Variants in PKHD1 observed in about 807,000 individuals in gnomAD.
PKHD1 encodes PKHD1 ciliary IPT domain containing fibrocystin/polyductin, also known as fibrocystin.
A neutral mutation model predicts 412.0 loss-of-function variants in PKHD1; 291 were observed. That is an observed-to-expected ratio of 0.71 (90% confidence interval 0.64 to 0.78). The LOEUF is 0.78. Ranked by LOEUF, PKHD1 falls within the 30% of genes least tolerant of loss-of-function variation. The probability of loss-of-function intolerance (pLI) is 0.00; values close to 1 mark genes in which losing one functional copy is unlikely to be tolerated. For missense variants in PKHD1, 4,825 were observed against 4,950.7 expected, an observed-to-expected ratio of 0.97 and a Z score of 0.76; for synonymous variants, 1,777 against 1,821.5, an observed-to-expected ratio of 0.98 and a Z score of 0.62.
At chr6:51,942,197 A>G (rs1398932191) in intron 36 of PKHD1, among the ~76,000 whole-genome samples, 3 of 151,268 alleles carry the variant, frequency 2.0e-5, no homozygotes, top group African/African-American at 7.3e-5. Flanking sequence ...GACTGCCCCA[A>G]CCTTAGCTCT....
chr6:52,035,718 C>T lies in PKHD1; in HGVS notation c.3101G>A (p.Gly1034Glu). 6.2e-7 allele frequency: 1 copy of T among 1,613,858 alleles called. No individual in the cohort carries two copies. Among genetic ancestry groups the T allele is most frequent in the Non-Finnish European group, 8.5e-7 (1 of 1,179,846 alleles). Residue 1034 changes from glycine to glutamate, a missense_variant, in exon 28 of 67, where the codon GGG (glycine) becomes GAG (glutamate). Coordinates refer to ENST00000371117, the MANE Select transcript of PKHD1 (RefSeq NM_138694.4). ...AGAGCCTCGGATGGTGGCCCAGAGC[C>T]CTCCTGTAACAAAAACAGCATATTC... ...VEPSRAADIG[G>E]LWATIRGSSL... is the part of the protein sequence containing the mutation.
chr6:52,048,764 T>C, intron 22 of PKHD1, 145 bp from the exon 23 acceptor site: 1 of 803,196 alleles, frequency 1.2e-6, no homozygotes, highest in Non-Finnish European at 2.1e-6. Flanking sequence ...AAGGGAGTTT[T>C]CAGGACCACT....
intron 20 of PKHD1, among the ~76,000 whole-genome samples, 168 bp from the exon 21 acceptor site, chr6:52,053,419 C>T (rs759704466): frequency 6.6e-6 from 1 of 152,230 alleles, no homozygotes; most frequent in Non-Finnish European, 1.5e-5. Context: ...ACAAACATCC[C>T]ACCCAAGATG....
At chr6:51,923,191 T>C (rs535888158) in intron 37 of PKHD1, among the ~76,000 whole-genome samples, 9 of 152,172 alleles carry the variant, frequency 5.9e-5, no homozygotes, top group African/African-American at 1.9e-4. Flanking sequence ...GCTGTGAAAA[T>C]TGGCTATTCA....
At chr6:51,860,383 A>G (rs1163050818) in intron 48 of PKHD1, among the ~76,000 whole-genome samples, 1 of 152,238 alleles carries the variant, frequency 6.6e-6, no homozygotes, top group East Asian at 1.9e-4. Flanking sequence ...CCAAAAGAAC[A>G]TCAAGAGTCC....
At chr6:51,625,593 G>C (rs1345923675) in intron 66 of PKHD1, among the ~76,000 whole-genome samples, 1 of 152,004 alleles carries the variant, frequency 6.6e-6, no homozygotes, top group Non-Finnish European at 1.5e-5. Context: ...CCCTTTCCCT[G>C]TCTCATTCCT....
In PKHD1 at chr6:51,653,907, A is replaced by T. The variant is rs141667505; in HGVS notation, c.11175-4687T>A. On this transcript the variant is annotated intron_variant, in intron 61 of 66. Coordinates refer to ENST00000371117, the MANE Select transcript of PKHD1 (RefSeq NM_138694.4). Reference sequence around the variant, plus strand: ...CTAGCATGAGTATTTTATCTAGGAGAATGAAAACTCTGCATTTTTAAAGAC... The same window carrying T: ...CTAGCATGAGTATTTTATCTAGGAGTATGAAAACTCTGCATTTTTAAAGAC... 3.7e-3 allele frequency among the ~76,000 whole-genome samples: 567 copies of T among 152,286 alleles called. 3 individuals carry two copies. Among genetic ancestry groups the T allele is most frequent in the African/African-American group, 0.013 (548 of 41,572 alleles).
At chr6:51,807,331 G>T (rs1024184091) in intron 52 of PKHD1, among the ~76,000 whole-genome samples, 2 of 150,992 alleles carry the variant, frequency 1.3e-5, no homozygotes, top group Non-Finnish European at 3.0e-5. Flanking sequence ...CCAGATACTT[G>T]GGAGGCTGAG....
intron 36 of PKHD1, among the ~76,000 whole-genome samples, chr6:51,952,296 G>T (rs1790473199): frequency 6.6e-6 from 1 of 152,106 alleles, no homozygotes; most frequent in African/African-American, 2.4e-5. Context: ...GTCACTGTCT[G>T]GACTAATCCA....
intron 60 of PKHD1, among the ~76,000 whole-genome samples, chr6:51,709,336 C>T (rs1780374388): frequency 6.6e-6 from 1 of 152,208 alleles, no homozygotes; most frequent in African/African-American, 2.4e-5. Flanking sequence ...CATGGAAACA[C>T]TTCCAGGGGT....
chr6:51,912,707 T>C lies in PKHD1; in HGVS notation c.6122-131A>G. 13 of 727,340 alleles carry C rather than the reference T, an allele frequency of 1.8e-5. No individual in the cohort carries two copies. The South Asian group carries it at 2.0e-4, about 11-fold the overall frequency. The allele number at this position is 727,340 out of a possible 1,614,324, so 45.1% of individuals were successfully genotyped here. On this transcript the variant is annotated intron_variant, in intron 37 of 66. Coordinates refer to ENST00000371117, the MANE Select transcript of PKHD1 (RefSeq NM_138694.4). ...AAAATAAGACCTGGAAAAGCAAGCT[T>C]CAGGATAGGTAAGCACTAATTTTTT...
Position 51,950,616 on chromosome 6 carries a change from G to A in PKHD1, c.5908+9254C>T, listed in dbSNP as rs925739977. On this transcript the variant is annotated intron_variant, in intron 36 of 66. Coordinates refer to ENST00000371117, the MANE Select transcript of PKHD1 (RefSeq NM_138694.4). ...TGTAGAGCTCCCAAATTTACAGTTTGTATAAGTTACCAGGTGATGCCAGTG... is the reference window on the plus strand; with the variant it reads ...TGTAGAGCTCCCAAATTTACAGTTTATATAAGTTACCAGGTGATGCCAGTG... 4.6e-5 allele frequency among the ~76,000 whole-genome samples: 7 copies of A among 152,062 alleles called. No homozygotes were observed. The South Asian group carries it at 8.3e-4, about 18-fold the overall frequency.
chr6:51,881,945 A>G (rs1477980041), intron 46 of PKHD1, among the ~76,000 whole-genome samples: 1 of 152,158 alleles, frequency 6.6e-6, no homozygotes, highest in Non-Finnish European at 1.5e-5. Flanking sequence ...CAAGGGTGTG[A>G]TTATTTTTGA....
chr6:51,992,218 T>C (rs1020072636), intron 35 of PKHD1, among the ~76,000 whole-genome samples: 3 of 152,204 alleles, frequency 2.0e-5, no homozygotes, highest in African/African-American at 4.8e-5. Flanking sequence ...TCAATTAATG[T>C]TACCCCTTCC....
intron 55 of PKHD1, among the ~76,000 whole-genome samples, chr6:51,763,179 T>G (rs984613345): frequency 6.6e-6 from 1 of 152,094 alleles, no homozygotes; most frequent in Non-Finnish European, 1.5e-5. Flanking sequence ...CTTTATGAAC[T>G]TGGAACATTT....
intron 62 of PKHD1, among the ~76,000 whole-genome samples, chr6:51,648,344 C>A (rs1770405973): frequency 1.3e-5 from 2 of 151,986 alleles, no homozygotes; most frequent in African/African-American, 4.8e-5. Flanking sequence ...TGGGGCAGGA[C>A]AGTGAGGAGA....
In PKHD1 at chr6:51,861,092, C is replaced by T. The variant is rs866880173; in HGVS notation, c.7734-5022G>A. 2.0e-5 allele frequency among the ~76,000 whole-genome samples: 3 copies of T among 152,144 alleles called. No individual in the cohort carries two copies. The South Asian group carries it at 6.2e-4, about 32-fold the overall frequency. On this transcript the variant is annotated intron_variant, in intron 48 of 66. Transcript: ENST00000371117. ...CCTCCCAAAGTGCTGAGATTACAGG[C>T]GTGAGCCACCATGCCTGGCCCAAAC...
At chr6:52,045,262 G>A (rs1805607757) in intron 24 of PKHD1, among the ~76,000 whole-genome samples, 174 bp from the exon 25 acceptor site, 1 of 152,192 alleles carries the variant, frequency 6.6e-6, no homozygotes. Flanking sequence ...AATGGCTGAG[G>A]AAAGTCCCAG....
intron 36 of PKHD1, among the ~76,000 whole-genome samples, chr6:51,941,806 C>G (rs1788624974): frequency 6.6e-6 from 1 of 151,570 alleles, no homozygotes; most frequent in South Asian, 2.1e-4. Flanking sequence ...CCCAGCCTCT[C>G]TTCGCTTTCA....
Sources: allele counts gnomAD v4.1 joint callset (sites outside exome capture counted in the v4.1 genomes callset), GRCh38; gene constraint gnomAD v4.1.1; transcripts MANE v1.5; gene names NCBI Gene and HGNC (gene_info 2026-07-23, HGNC 2026-07-21).